Variants in UBAP2L observed in about 807,000 individuals in gnomAD.
UBAP2L encodes the protein ubiquitin associated protein 2 like.
Under a neutral mutation model 130.6 loss-of-function variants are expected in UBAP2L, and 12 were observed. That is an observed-to-expected ratio of 0.09 (90% CI 0.06 to 0.15). The LOEUF is 0.15. Among genes scored for constraint, UBAP2L ranks in the 10% least tolerant of loss-of-function variants. The pLI is 1.00. For missense variants in UBAP2L, 965 were observed against 1,332.5 expected (o/e 0.72, Z 4.29); for synonymous variants, 503 against 524.7 (o/e 0.96, Z 0.57).
intron 6 of UBAP2L, among the ~76,000 whole-genome samples, chr1:154,235,907 C>G (rs1305365451): frequency 2.0e-5 from 3 of 152,008 alleles, no homozygotes; most frequent in Non-Finnish European, 4.4e-5. Context: ...GCTCCAGGGT[C>G]TACTTTGTTT....
downstream of UBAP2L, chr1:154,271,230 TGC>T: frequency 2.9e-6 from 1 of 339,036 alleles, no homozygotes; most frequent in Non-Finnish European, 5.5e-6. Context: ...AGAAAAAAAA[TGC>T]TTTATAGAGT....
At chr1:154,247,276 T>G (rs938029359) in intron 11 of UBAP2L, among the ~76,000 whole-genome samples, 2 of 152,188 alleles carry the variant, frequency 1.3e-5, no homozygotes, top group African/African-American at 2.4e-5. Flanking sequence ...AAAATGTTTT[T>G]TGTGTGTGTT....
At chr1:154,225,744 A>C (rs376885665) in intron 2 of UBAP2L, among the ~76,000 whole-genome samples, 61 of 152,302 alleles carry the variant, frequency 4.0e-4, no homozygotes, top group African/African-American at 1.5e-3. Flanking sequence ...CTCTTAAGAT[A>C]GCATTTCCCT....
intron 8 of UBAP2L, among the ~76,000 whole-genome samples, chr1:154,237,448 C>T (rs1447400257): frequency 6.6e-6 from 1 of 152,192 alleles, no homozygotes; most frequent in African/African-American, 2.4e-5. Flanking sequence ...CATTGTTTGA[C>T]CCTGAAAGTC....
intron 5 of UBAP2L, 130 bp from the exon 6 acceptor site, chr1:154,235,066 T>G (rs1335565344): frequency 7.6e-6 from 5 of 661,832 alleles, no homozygotes; most frequent in Non-Finnish European, 1.4e-5. Context: ...CTCTTCGTTG[T>G]TTTTTTAATT....
At chr1:154,239,636 C>A (rs1460153275) in intron 8 of UBAP2L, among the ~76,000 whole-genome samples, 4 of 152,180 alleles carry the variant, frequency 2.6e-5, no homozygotes, top group Admixed American at 6.5e-5. Context: ...TAGGAACATA[C>A]CAGTTAGGTG....
rs1365850368 is a variant in UBAP2L at position 154,243,112 on chromosome 1, T to C, written c.757-105T>C. On this transcript the variant is annotated intron_variant, in intron 9 of 26. Transcript: ENST00000428931. ...TCCTCAGGGTAGATAGTTTTCTCTT[T>C]ATAGGGCTTTCACTTTTTCTTGATG... 4 of 895,216 alleles carry C rather than the reference T, an allele frequency of 4.5e-6. No homozygotes were observed. The African/African-American group carries it at 5.0e-5, about 11-fold the overall frequency. The allele number at this position is 895,216 out of a possible 1,614,324, so 55.5% of individuals were successfully genotyped here. A position where few individuals can be genotyped will look rare whatever the true frequency, so the allele number is the denominator to read the frequency against.
intron 14 of UBAP2L, among the ~76,000 whole-genome samples, chr1:154,252,853 C>T (rs1325155433): frequency 2.6e-5 from 4 of 152,124 alleles, no homozygotes; most frequent in Admixed American, 2.6e-4. Flanking sequence ...GCCACCACAC[C>T]CGGCCCAAAT....
chr1:154,239,814 T>C (rs1672899961), intron 8 of UBAP2L, among the ~76,000 whole-genome samples: 1 of 152,188 alleles, frequency 6.6e-6, no homozygotes, highest in Admixed American at 6.5e-5. Context: ...TGGATGTCAA[T>C]GAGAAGAAAG....
intron 4 of UBAP2L, 26 bp from the exon 5 acceptor site, chr1:154,234,565 G>C (rs1473075574): frequency 1.2e-6 from 2 of 1,612,576 alleles, no homozygotes; most frequent in South Asian, 2.2e-5. Context: ...ATATTGATTA[G>C]ATATGAATGC....
chr1:154,270,117 A>C lies in UBAP2L; in HGVS notation c.3169-83A>C. The C allele has an allele frequency of 1.3e-6, 2 of 1,482,126 alleles. 1 individual carries two copies. Among genetic ancestry groups the C allele is most frequent in the Non-Finnish European group, 1.8e-6 (2 of 1,105,192 alleles). The allele number at this position is 1,482,126 out of a possible 1,614,324, so 91.8% of individuals were successfully genotyped here. A position where few individuals can be genotyped will look rare whatever the true frequency, so the allele number is the denominator to read the frequency against. On this transcript the variant is annotated intron_variant, in intron 26 of 26. Coordinates refer to ENST00000428931, the MANE Select transcript of UBAP2L (RefSeq NM_014847.4). ...GGAATGGGAGAGCAAGACAGTTTGC[A>C]CATCTCCACCTGAAGATGTTACAAA...
In UBAP2L at chr1:154,251,658, A is replaced by T. The variant is rs1460050259; in HGVS notation, c.1664+5A>T. The T allele has an allele frequency of 1.2e-6, 2 of 1,613,740 alleles. No homozygotes were observed. Among genetic ancestry groups the T allele is most frequent in the Non-Finnish European group, 1.7e-6 (2 of 1,179,900 alleles). On this transcript the variant is annotated splice_donor_5th_base_variant and intron_variant, in intron 14 of 26. Transcript: ENST00000428931. The stretch of plus-strand genomic sequence containing the variant: ...CCTGTATACCAGCACGGCCAGGTAG[A>T]GGAAACATTAACCATAAGACCTCTC...
chr1:154,241,635 G>T (rs1673672326), intron 9 of UBAP2L, 70 bp downstream of exon 9: 1 of 1,597,378 alleles, frequency 6.3e-7, no homozygotes, highest in Non-Finnish European at 8.6e-7. Flanking sequence ...TAGAAAATGG[G>T]TATGTTTCTA....
intron 10 of UBAP2L, among the ~76,000 whole-genome samples, chr1:154,245,731 C>T (rs565434974): frequency 2.6e-5 from 4 of 151,658 alleles, no homozygotes; most frequent in South Asian, 2.1e-4. Context: ...CTGGCTAACA[C>T]GTGAAACCCC....
intron 21 of UBAP2L, 80 bp from the exon 22 acceptor site, chr1:154,259,868 T>C: frequency 6.9e-7 from 1 of 1,446,398 alleles, no homozygotes; most frequent in African/African-American, 1.4e-5. Context: ...CATTCTTCTG[T>C]TTTTTCCTCC....
intron 24 of UBAP2L, chr1:154,263,322 C>T (rs1682197291): frequency 1.4e-6 from 2 of 1,427,232 alleles, no homozygotes; most frequent in South Asian, 3.1e-5. Context: ...TTGCCCCTCC[C>T]CCATTTCCCT....
rs1237563683 is a variant in UBAP2L at position 154,246,279 on chromosome 1, G to C, written c.918G>C (p.Gln306His). Residue 306 changes from glutamine (Q) to histidine (H), a missense_variant, in exon 11 of 27, where the codon CAG becomes CAC. Physicochemically the swap from Gln to His is conservative, Grantham distance 24. Transcript: ENST00000428931. ...ATTCATCTAATCTGGATCCGTCTCA[G>C]GCTCCTTCTCTGGCCCAGCCTCTGG... ...ENDSSNLDPS[Q>H]APSLAQPLVF... 6 of 1,613,852 alleles carry C rather than the reference G, an allele frequency of 3.7e-6. No homozygotes were observed. The African/African-American group carries it at 8.0e-5, about 22-fold the overall frequency.
intron 6 of UBAP2L, among the ~76,000 whole-genome samples, chr1:154,235,649 A>G (rs967743476): frequency 6.6e-6 from 1 of 152,202 alleles, no homozygotes; most frequent in African/African-American, 2.4e-5. Flanking sequence ...AGCTGGGATT[A>G]CAAGCGTGCG....
upstream of UBAP2L, chr1:154,220,919 C>G (rs1209102067): frequency 5.7e-6 from 1 of 176,252 alleles, no homozygotes; most frequent in Non-Finnish European, 1.2e-5. Flanking sequence ...AAGAGGGAAT[C>G]TTATATCACG....
Sources: gnomAD v4.1 joint callset for allele counts (sites outside exome capture counted in the v4.1 genomes callset) on GRCh38, gnomAD v4.1.1 for gene constraint, MANE v1.5 for transcripts, NCBI Gene and HGNC (gene_info 2026-07-23, HGNC 2026-07-21) for gene names.